Variants in TMEM200A observed in about 807,000 individuals in gnomAD.
TMEM200A encodes two transmembrane C.
Under a neutral mutation model 24.3 loss-of-function variants are expected in TMEM200A, and 12 were observed. That is an observed-to-expected ratio of 0.49 (90% confidence interval 0.32 to 0.80). The LOEUF is 0.80. TMEM200A is among the 30% of genes least tolerant of loss of function. The probability of loss-of-function intolerance (pLI) is 0.04; values close to 1 mark genes in which losing one functional copy is unlikely to be tolerated. For missense variants in TMEM200A, 545 were observed against 614.4 expected (o/e 0.89, Z 1.19); for synonymous variants, 224 against 224.4 (o/e 1.00, Z 0.02).
intron 2 of TMEM200A, among the ~76,000 whole-genome samples, chr6:130,388,788 C>T (rs987467645): frequency 5.3e-5 from 8 of 152,060 alleles, no homozygotes; most frequent in African/African-American, 1.7e-4. Context: ...CAGAAAGTAT[C>T]ATTGCCCCAG....
At chr6:130,365,855 T>C, upstream of TMEM200A, 1 of 984,624 alleles carries the variant, frequency 1.0e-6, no homozygotes, top group Non-Finnish European at 1.2e-6. Flanking sequence ...CCAGGAGGAG[T>C]GGGTGGCAGG....
Position 130,441,361 on chromosome 6 carries a change from C to T in TMEM200A, c.939C>T (p.Asp313=). 6.2e-7 allele frequency: 1 copy of T among 1,614,132 alleles called. No homozygotes were observed. The highest frequency in any genetic ancestry group is 1.1e-5 in the South Asian group (1 of 91,084). The part of the protein sequence containing the change: ...PSIDNITEDA[D]NLKSRSRNLS... ...TAGATAACATCACTGAAGATGCTGA[C>T]AACCTCAAAAGTAGGTCAAGGAATT... is the stretch of plus-strand genomic sequence containing the variant. The change falls in exon 3 of 3, where the codon GAC becomes GAT. Residue 313 remains aspartate (D), a synonymous_variant. Coordinates refer to ENST00000296978, the MANE Select transcript of TMEM200A (RefSeq NM_001258277.2).
chr6:130,423,801 C>T (rs967572637), intron 2 of TMEM200A, among the ~76,000 whole-genome samples: 1 of 152,142 alleles, frequency 6.6e-6, no homozygotes, highest in Non-Finnish European at 1.5e-5. Context: ...GCCACCATTA[C>T]ATGCTATTTG....
chr6:130,405,828 C>T (rs1779192467), intron 2 of TMEM200A, among the ~76,000 whole-genome samples: 1 of 152,186 alleles, frequency 6.6e-6, no homozygotes, highest in Non-Finnish European at 1.5e-5. Context: ...TGGGCTGCTT[C>T]CTAATCCAGA....
intron 2 of TMEM200A, among the ~76,000 whole-genome samples, chr6:130,404,243 G>A (rs940152932): frequency 6.6e-6 from 1 of 152,146 alleles, no homozygotes; most frequent in African/African-American, 2.4e-5. Flanking sequence ...TGTCTCTGAA[G>A]AATTGCCACA....
chr6:130,395,280 G>T (rs1778925732), intron 2 of TMEM200A, among the ~76,000 whole-genome samples: 2 of 152,166 alleles, frequency 1.3e-5, no homozygotes, highest in African/African-American at 4.8e-5. Flanking sequence ...GGTCATTTCA[G>T]TAGTTTTTCC....
At chr6:130,401,325 C>T (rs1354201116) in intron 2 of TMEM200A, among the ~76,000 whole-genome samples, 1 of 151,796 alleles carries the variant, frequency 6.6e-6, no homozygotes, top group Non-Finnish European at 1.5e-5. Context: ...TTAGACTAAT[C>T]CCTATTACAG....
At chr6:130,428,036 C>A (rs1779789127) in intron 2 of TMEM200A, among the ~76,000 whole-genome samples, 1 of 152,146 alleles carries the variant, frequency 6.6e-6, no homozygotes, top group African/African-American at 2.4e-5. Context: ...GGTGTTTTTA[C>A]AAACATGGTT....
chr6:130,381,971 C>A, intron 1 of TMEM200A: 1 of 985,340 alleles, frequency 1.0e-6, no homozygotes, highest in Non-Finnish European at 1.2e-6. Flanking sequence ...GGCTGCCTTG[C>A]TGAAGTGGCT....
chr6:130,391,371 T>C (rs960822503), intron 2 of TMEM200A, among the ~76,000 whole-genome samples: 1 of 152,204 alleles, frequency 6.6e-6, no homozygotes, highest in African/African-American at 2.4e-5. Context: ...CCTTCTCAGA[T>C]CTTTCTCTTG....
At chr6:130,426,465 C>CAA (rs1029443048) in intron 2 of TMEM200A, among the ~76,000 whole-genome samples, 2 of 150,064 alleles carry the variant, frequency 1.3e-5, no homozygotes, top group African/African-American at 4.9e-5. Context: ...CTGCAGCCCC[C>CAA]CCCCCCTCAG....
At chr6:130,412,278 G>A (rs964877043) in intron 2 of TMEM200A, among the ~76,000 whole-genome samples, 1 of 151,082 alleles carries the variant, frequency 6.6e-6, no homozygotes, top group Non-Finnish European at 1.5e-5. Flanking sequence ...GGGTATTGCC[G>A]CCACTCACAG....
At chr6:130,380,152 T>C (rs1263570940) in intron 1 of TMEM200A, among the ~76,000 whole-genome samples, 1 of 152,200 alleles carries the variant, frequency 6.6e-6, no homozygotes, top group East Asian at 1.9e-4. Flanking sequence ...GAAAATCTTT[T>C]TTTTGAATTT....
chr6:130,402,745 T>C (rs1779117778), intron 2 of TMEM200A, among the ~76,000 whole-genome samples: 1 of 152,126 alleles, frequency 6.6e-6, no homozygotes, highest in South Asian at 2.1e-4. Context: ...TATCTACTTT[T>C]ACAGAAAGTT....
upstream of TMEM200A, chr6:130,365,702 G>A (rs1339375121): frequency 1.0e-6 from 1 of 985,506 alleles, no homozygotes; most frequent in South Asian, 4.7e-5. Context: ...CTTCCAGCCC[G>A]GGAAGAGCGC....
intron 2 of TMEM200A, among the ~76,000 whole-genome samples, chr6:130,425,035 C>T (rs1025857199): frequency 6.6e-6 from 1 of 152,056 alleles, no homozygotes; most frequent in African/African-American, 2.4e-5. Flanking sequence ...AGTTCTTTTT[C>T]TGACCGTTCT....
chr6:130,376,582 G>C (rs1198846712), intron 1 of TMEM200A, among the ~76,000 whole-genome samples: 1 of 152,096 alleles, frequency 6.6e-6, no homozygotes, highest in Non-Finnish European at 1.5e-5. Flanking sequence ...ACTGCACCCA[G>C]CAAAATCACA....
intron 2 of TMEM200A, among the ~76,000 whole-genome samples, chr6:130,409,499 A>G (rs1779284211): frequency 6.6e-6 from 1 of 152,134 alleles, no homozygotes. Flanking sequence ...ACCAGTGAGG[A>G]GGTGCCAGCC....
Position 130,442,032 on chromosome 6 carries a change from C to A in TMEM200A, c.*134C>A. The stretch of plus-strand genomic sequence containing the variant: ...GTGTATTAGAATTGGCTGCTTAGTT[C>A]TGTAATGAAGATGGTTGTATGTTTG... On this transcript the variant is annotated 3_prime_UTR_variant, in exon 3 of 3. Coordinates refer to ENST00000296978, the MANE Select transcript of TMEM200A (RefSeq NM_001258277.2). 1.2e-6 allele frequency: 1 copy of A among 855,130 alleles called. No individual in the cohort carries two copies. Among genetic ancestry groups the A allele is most frequent in the Non-Finnish European group, 1.8e-6 (1 of 565,706 alleles). 53.0% of individuals were successfully genotyped at this position (855,130 alleles called of 1,614,324 possible). A position where few individuals can be genotyped will look rare whatever the true frequency, so the allele number is the denominator to read the frequency against.
Sources: gnomAD v4.1 joint callset for allele counts (sites outside exome capture counted in the v4.1 genomes callset) on GRCh38, gnomAD v4.1.1 for gene constraint, MANE v1.5 for transcripts, NCBI Gene and HGNC (gene_info 2026-07-23, HGNC 2026-07-21) for gene names.